The following ATP8A2 variants were observed in gnomAD, a reference collection of about 807,000 sequenced individuals.
ATP8A2 encodes the protein phospholipid-transporting ATPase IB.
A neutral mutation model predicts 165.6 loss-of-function variants in ATP8A2; 100 were observed. That is an observed-to-expected ratio of 0.60 (90% confidence interval 0.51 to 0.71). ATP8A2 has a LOEUF of 0.71. Ranked by LOEUF, ATP8A2 falls within the 30% of genes least tolerant of loss-of-function variation. ATP8A2 has a pLI of 0.00. For synonymous variants in ATP8A2, 543 were observed against 548.8 expected, an observed-to-expected ratio of 0.99 and a Z score of 0.15; for missense variants, 1,227 against 1,479.5, an observed-to-expected ratio of 0.83 and a Z score of 2.80.
intron 34 of ATP8A2, among the ~76,000 whole-genome samples, chr13:25,963,122 G>A (rs117526233): frequency 0.013 from 2,041 of 152,162 alleles, 39 homozygotes; most frequent in South Asian, 0.058. Flanking sequence ...TTGGCCAGGC[G>A]CAGTGGCTCA....
intron 2 of ATP8A2, among the ~76,000 whole-genome samples, chr13:25,491,972 T>C (rs143227091): frequency 2.9e-4 from 44 of 152,382 alleles, no homozygotes; most frequent in African/African-American, 1.1e-3. Context: ...ATAAAAACCA[T>C]TGAATAAATA....
At chr13:25,404,686 A>G (rs1012970279) in intron 1 of ATP8A2, among the ~76,000 whole-genome samples, 1 of 152,080 alleles carries the variant, frequency 6.6e-6, no homozygotes, top group Non-Finnish European at 1.5e-5. Context: ...CGCGGGAGGA[A>G]GAGCAGGGTT....
intron 29 of ATP8A2, among the ~76,000 whole-genome samples, chr13:25,838,937 G>A (rs1048243249): frequency 6.6e-6 from 1 of 152,082 alleles, no homozygotes; most frequent in African/African-American, 2.4e-5. Flanking sequence ...TAAACCTTGT[G>A]TTCTTTTTTC....
intron 24 of ATP8A2, among the ~76,000 whole-genome samples, chr13:25,642,864 CG>C (rs1358632267): frequency 6.6e-6 from 1 of 152,116 alleles, no homozygotes; most frequent in Non-Finnish European, 1.5e-5. Context: ...ACATGCACAC[CG>C]TGGAATACTA....
chr13:25,853,961 G>A (rs2138723667), intron 30 of ATP8A2, among the ~76,000 whole-genome samples: 1 of 152,290 alleles, frequency 6.6e-6, no homozygotes, highest in Non-Finnish European at 1.5e-5. Context: ...TATGGGTGGA[G>A]AATTGAGACT....
intron 33 of ATP8A2, among the ~76,000 whole-genome samples, chr13:25,941,380 C>T (rs1955067787): frequency 6.6e-6 from 1 of 152,154 alleles, no homozygotes; most frequent in African/African-American, 2.4e-5. Flanking sequence ...GCCCTCTTTC[C>T]TCACAGGCTT....
chr13:25,722,596 T>C (rs1016695612), intron 25 of ATP8A2, among the ~76,000 whole-genome samples: 5 of 152,246 alleles, frequency 3.3e-5, no homozygotes, highest in African/African-American at 9.6e-5. Context: ...GAAGGGACTT[T>C]GGTGCTGCTA....
At chr13:25,871,949 G>GACAA (rs1172146271) in intron 33 of ATP8A2, among the ~76,000 whole-genome samples, 1 of 152,156 alleles carries the variant, frequency 6.6e-6, no homozygotes, top group Admixed American at 6.5e-5. Flanking sequence ...GTGCTCTGAA[G>GACAA]ACAAACCCTA....
chr13:25,620,247 C>A (rs2040934733), intron 24 of ATP8A2, among the ~76,000 whole-genome samples: 1 of 152,136 alleles, frequency 6.6e-6, no homozygotes, highest in Admixed American at 6.6e-5. Flanking sequence ...ATGGGTACAG[C>A]ATTGCTTCCT....
chr13:25,778,938 G>C (rs989085141), intron 27 of ATP8A2, among the ~76,000 whole-genome samples: 1 of 152,142 alleles, frequency 6.6e-6, no homozygotes, highest in Non-Finnish European at 1.5e-5. Context: ...GATTTTGTCT[G>C]TCTCCCATAG....
intron 23 of ATP8A2, among the ~76,000 whole-genome samples, chr13:25,584,691 C>T (rs1026307128): frequency 1.3e-5 from 2 of 152,160 alleles, no homozygotes; most frequent in African/African-American, 4.8e-5. Flanking sequence ...CTCTTGACTT[C>T]TGGTGTGGGG....
At chr13:25,976,554 C>T (rs2139236820) in intron 35 of ATP8A2, among the ~76,000 whole-genome samples, 1 of 151,740 alleles carries the variant, frequency 6.6e-6, no homozygotes, top group South Asian at 2.1e-4. Context: ...TACCTTCTAG[C>T]ATGGTCTGAT....
At chr13:25,436,665 T>C (rs2034785726) in intron 1 of ATP8A2, among the ~76,000 whole-genome samples, 1 of 152,204 alleles carries the variant, frequency 6.6e-6, no homozygotes, top group African/African-American at 2.4e-5. Context: ...TGTTTTAAGC[T>C]CTTTGAGAAA....
intron 24 of ATP8A2, among the ~76,000 whole-genome samples, chr13:25,605,831 A>G (rs556061183): frequency 2.2e-4 from 33 of 152,268 alleles, no homozygotes; most frequent in Non-Finnish European, 2.2e-4. Flanking sequence ...TGTCTAGGAA[A>G]AGATCTCATT....
chr13:25,372,431 C>A lies in ATP8A2; in HGVS notation c.76+143C>A. 3.6e-6 allele frequency: 2 copies of A among 548,224 alleles called. No individual in the cohort carries two copies. Among genetic ancestry groups the A allele is most frequent in the Non-Finnish European group, 5.5e-6 (2 of 364,968 alleles). 34.0% of individuals were successfully genotyped at this position (548,224 alleles called of 1,614,324 possible). On this transcript the variant is annotated intron_variant, in intron 1 of 36. Coordinates refer to ENST00000381655, the MANE Select transcript of ATP8A2 (RefSeq NM_016529.6). The surrounding 1 kb of genome is among the most constrained non-coding windows in gnomAD (Gnocchi z 4.8). The stretch of plus-strand genomic sequence containing the variant: ...GGGCTCTCTGGGCTGCAGGATCCGC[C>A]GACGCGGCGCGCTGGCCGCACGGGG...
chr13:25,896,034 T>A (rs1481066658), intron 33 of ATP8A2, among the ~76,000 whole-genome samples: 1 of 152,212 alleles, frequency 6.6e-6, no homozygotes, highest in Admixed American at 6.5e-5. Flanking sequence ...TCTATTTCCT[T>A]CAGTTCTGCT....
At chr13:25,963,421 GAAAA>G (rs1281578528) in intron 34 of ATP8A2, among the ~76,000 whole-genome samples, 1 of 148,942 alleles carries the variant, frequency 6.7e-6, no homozygotes, top group African/African-American at 2.5e-5. Context: ...GAAAAGAAAA[GAAAA>G]AGAAAAAGAA....
rs373676287 is a variant in ATP8A2, at chr13:25,675,738, C to T, written c.2212-23435C>T. 4.6e-5 allele frequency among the ~76,000 whole-genome samples: 7 copies of T among 152,022 alleles called. No individual in the cohort carries two copies. The East Asian group carries it at 9.7e-4, about 21-fold the overall frequency. On this transcript the variant is annotated intron_variant, in intron 24 of 36. Transcript: ENST00000381655. ...TTTGGAAGAGTATTGAAAATACTCT[C>T]CTGGGTTGTGCCGGTGTTCATGGGT...
At chr13:25,988,245 G>A (rs182149813) in intron 35 of ATP8A2, among the ~76,000 whole-genome samples, 99 of 152,332 alleles carry the variant, frequency 6.5e-4, no homozygotes, top group Non-Finnish European at 1.1e-3. Flanking sequence ...GCAGCATCAC[G>A]TGGCTCAGAT....
Sources: allele counts gnomAD v4.1 joint callset (sites outside exome capture counted in the v4.1 genomes callset), GRCh38; gene constraint gnomAD v4.1.1; non-coding constraint Gnocchi (gnomAD v3.1); transcripts MANE v1.5; gene names NCBI Gene and HGNC (gene_info 2026-07-23, HGNC 2026-07-21).